Variants in CENPW observed in about 807,000 individuals in gnomAD.
The protein encoded by CENPW is centromere protein W.
Under a neutral mutation model 11.1 loss-of-function variants are expected in CENPW, and 3 were observed. The observed-to-expected ratio is 0.27, with a 90% CI of 0.12 to 0.70. CENPW has a LOEUF of 0.70. Ranked by LOEUF, CENPW falls within the 30% of genes least tolerant of loss-of-function variation. CENPW has a pLI of 0.77. For synonymous variants in CENPW, 38 were observed against 42.0 expected, an observed-to-expected ratio of 0.91 and a Z score of 0.37; for missense variants, 100 against 105.6, an observed-to-expected ratio of 0.95 and a Z score of 0.23.
the CENPW span, among the ~76,000 whole-genome samples, chr6:126,475,408 TA>T: frequency 3.4e-3 from 517 of 152,060 alleles, 3 homozygotes; most frequent in Middle Eastern, 0.048. Flanking sequence ...CAAATTTTTT[TA>T]AAAAAAATTT....
chr6:126,398,317 T>G, the CENPW span, among the ~76,000 whole-genome samples: 1 of 152,226 alleles, frequency 6.6e-6, no homozygotes, highest in Non-Finnish European at 1.5e-5. Context: ...CTTAGCATCA[T>G]GCCTAGTGCT....
the CENPW span, among the ~76,000 whole-genome samples, chr6:126,377,402 T>C: frequency 1.3e-5 from 2 of 152,226 alleles, no homozygotes; most frequent in African/African-American, 4.8e-5. Flanking sequence ...AAAAACTTTA[T>C]TTTAGACCTT....
chr6:126,400,111 C>T, the CENPW span, among the ~76,000 whole-genome samples: 3 of 151,958 alleles, frequency 2.0e-5, no homozygotes, highest in South Asian at 6.2e-4. Context: ...TTTCTTTTGG[C>T]AATATATTTA....
At chr6:126,405,395 T>C in the CENPW span, among the ~76,000 whole-genome samples, 1 of 152,144 alleles carries the variant, frequency 6.6e-6, no homozygotes, top group Non-Finnish European at 1.5e-5. Context: ...CCTTGCTGTT[T>C]TGGTTGCTAT....
At chr6:126,399,983 G>A in the CENPW span, among the ~76,000 whole-genome samples, 2 of 151,900 alleles carry the variant, frequency 1.3e-5, no homozygotes, top group African/African-American at 2.4e-5. Context: ...ATGTGGTGGT[G>A]TGTTCTTTTC....
At chr6:126,462,509 T>TTC in the CENPW span, among the ~76,000 whole-genome samples, 112 of 140,104 alleles carry the variant, frequency 8.0e-4, no homozygotes, top group Middle Eastern at 3.5e-3. Context: ...CTTCTTTTCT[T>TTC]TCTCTCTCTC....
the CENPW span, among the ~76,000 whole-genome samples, chr6:126,473,042 C>A: frequency 6.6e-6 from 1 of 152,154 alleles, no homozygotes; most frequent in South Asian, 2.1e-4. Flanking sequence ...TTCACTTAAG[C>A]ATTATGCATT....
intron 1 of CENPW, among the ~76,000 whole-genome samples, chr6:126,344,960 G>A (rs1324995134): frequency 6.6e-6 from 1 of 152,050 alleles, no homozygotes; most frequent in Non-Finnish European, 1.5e-5. Context: ...ATAAATCATG[G>A]TAAAGACACT....
At chr6:126,426,869 A>G in the CENPW span, among the ~76,000 whole-genome samples, 1 of 152,186 alleles carries the variant, frequency 6.6e-6, no homozygotes, top group African/African-American at 2.4e-5. Flanking sequence ...TGACATCCGC[A>G]GTAAGTTTAT....
intron 1 of CENPW, among the ~76,000 whole-genome samples, chr6:126,340,803 A>G (rs540935214): frequency 2.2e-4 from 33 of 152,244 alleles, no homozygotes; most frequent in African/African-American, 7.2e-4. Context: ...TTATTTAGCT[A>G]TTGTAAAAGG....
At chr6:126,429,844 A>C in the CENPW span, among the ~76,000 whole-genome samples, 13 of 152,346 alleles carry the variant, frequency 8.5e-5, no homozygotes, top group African/African-American at 3.1e-4. Context: ...ATTGAGAACA[A>C]AAAGTCCTGA....
the CENPW span, among the ~76,000 whole-genome samples, chr6:126,361,715 C>CTTTTT: frequency 6.6e-6 from 1 of 152,176 alleles, no homozygotes; most frequent in African/African-American, 2.4e-5. Context: ...TCTCATTTTT[C>CTTTTT]TTTTGTTGAG....
At chr6:126,440,296 TA>T in the CENPW span, among the ~76,000 whole-genome samples, 1 of 151,702 alleles carries the variant, frequency 6.6e-6, no homozygotes. Flanking sequence ...AAAGTAGCCA[TA>T]AGCAATGAAC....
the CENPW span, among the ~76,000 whole-genome samples, chr6:126,418,887 C>A: frequency 7.4e-6 from 1 of 135,376 alleles, no homozygotes; most frequent in Non-Finnish European, 1.5e-5. Context: ...ACAATGAGAA[C>A]ACTTGCAGAC....
At chr6:126,440,808 C>T in the CENPW span, among the ~76,000 whole-genome samples, 4 of 151,322 alleles carry the variant, frequency 2.6e-5, no homozygotes, top group Non-Finnish European at 4.4e-5. Flanking sequence ...TTTGAAAGGA[C>T]TGGAGAAGCC....
At chr6:126,397,995 A>G in the CENPW span, among the ~76,000 whole-genome samples, 1 of 152,104 alleles carries the variant, frequency 6.6e-6, no homozygotes, top group Non-Finnish European at 1.5e-5. Context: ...GACTCATCAA[A>G]CTAGATTTGG....
At chr6:126,410,041 A>G in the CENPW span, among the ~76,000 whole-genome samples, 2 of 151,452 alleles carry the variant, frequency 1.3e-5, no homozygotes, top group Non-Finnish European at 2.9e-5. Flanking sequence ...TATGGTGATC[A>G]GATTTTATTC....
the CENPW span, among the ~76,000 whole-genome samples, chr6:126,453,664 C>T: frequency 6.6e-6 from 1 of 150,926 alleles, no homozygotes; most frequent in African/African-American, 2.4e-5. Context: ...AGCATAATAA[C>T]CAGGTAATGA....
chr6:126,371,585 G>T, the CENPW span, among the ~76,000 whole-genome samples: 2 of 152,260 alleles, frequency 1.3e-5, no homozygotes, highest in African/African-American at 4.8e-5. Flanking sequence ...ATATTAGGGT[G>T]ATACTGGCTT....
Sources: allele counts gnomAD v4.1 joint callset (sites outside exome capture counted in the v4.1 genomes callset), GRCh38; gene constraint gnomAD v4.1.1; transcripts MANE v1.5; gene names NCBI Gene and HGNC (gene_info 2026-07-23, HGNC 2026-07-21).